SCHIP1: variants seen among roughly 807,000 people sequenced by gnomAD.
SCHIP1 encodes the protein schwannomin-interacting protein 1.
Under a neutral mutation model 29.7 loss-of-function variants are expected in SCHIP1, and 8 were observed. That is an observed-to-expected ratio of 0.27 (90% CI 0.16 to 0.49). The LOEUF is 0.49. Ranked by LOEUF, SCHIP1 falls within the 20% of genes least tolerant of loss-of-function variation. SCHIP1 has a pLI of 0.99. For synonymous variants in SCHIP1, 76 were observed against 94.9 expected (o/e 0.80, Z 1.16); for missense variants, 193 against 294.6 (o/e 0.66, Z 2.52).
chr3:159,565,189 T>C, the SCHIP1 span, among the ~76,000 whole-genome samples: 1 of 152,200 alleles, frequency 6.6e-6, no homozygotes, highest in Non-Finnish European at 1.5e-5. Flanking sequence ...TAGGGAGCCA[T>C]CCACTCCAAA....
At chr3:159,341,409 G>A in the SCHIP1 span, among the ~76,000 whole-genome samples, 2 of 152,116 alleles carry the variant, frequency 1.3e-5, no homozygotes, top group Non-Finnish European at 2.9e-5. Context: ...AGCTTTTCTT[G>A]TCTGGTCCCC....
chr3:159,297,938 C>G, the SCHIP1 span, among the ~76,000 whole-genome samples: 1 of 152,150 alleles, frequency 6.6e-6, no homozygotes, highest in African/African-American at 2.4e-5. Flanking sequence ...CTGTATTTTT[C>G]CTCAGAGTAT....
the SCHIP1 span, among the ~76,000 whole-genome samples, chr3:159,297,284 C>A: frequency 1.3e-5 from 2 of 152,090 alleles, no homozygotes. Context: ...CTCTTTGACA[C>A]ACTGATTTCA....
the SCHIP1 span, among the ~76,000 whole-genome samples, chr3:159,438,136 CAG>C: frequency 6.6e-6 from 1 of 152,120 alleles, no homozygotes; most frequent in African/African-American, 2.4e-5. Flanking sequence ...TATTTAGCTG[CAG>C]AGTCTTTTGT....
the SCHIP1 span, among the ~76,000 whole-genome samples, chr3:159,707,664 C>G: frequency 6.6e-6 from 1 of 152,122 alleles, no homozygotes; most frequent in Non-Finnish European, 1.5e-5. Flanking sequence ...CTGTTATGAA[C>G]GAGATCCCAT....
At chr3:159,664,206 C>A in the SCHIP1 span, among the ~76,000 whole-genome samples, 32 of 152,282 alleles carry the variant, frequency 2.1e-4, 1 homozygote, top group African/African-American at 7.5e-4. Flanking sequence ...GCCCTTTCCC[C>A]AGAGGCAAAG....
the SCHIP1 span, among the ~76,000 whole-genome samples, chr3:159,485,299 C>T: frequency 1.3e-5 from 2 of 152,158 alleles, no homozygotes; most frequent in African/African-American, 4.8e-5. Context: ...TGAATAGTTA[C>T]TTCATCTCTG....
the SCHIP1 span, among the ~76,000 whole-genome samples, chr3:159,342,386 C>T: frequency 1.3e-5 from 2 of 152,072 alleles, no homozygotes; most frequent in African/African-American, 2.4e-5. Flanking sequence ...CAGAATTGCT[C>T]CTGGAAAAAA....
the SCHIP1 span, among the ~76,000 whole-genome samples, chr3:159,688,092 T>G: frequency 7.9e-5 from 12 of 152,230 alleles, no homozygotes. Flanking sequence ...GTAGAATGAT[T>G]TATAATCCTT....
chr3:159,610,887 A>C, the SCHIP1 span, among the ~76,000 whole-genome samples: 1 of 151,982 alleles, frequency 6.6e-6, no homozygotes, highest in Non-Finnish European at 1.5e-5. Context: ...CTTCCATGAC[A>C]GGTGTATTTG....
the SCHIP1 span, among the ~76,000 whole-genome samples, chr3:159,600,532 A>T: frequency 2.6e-5 from 4 of 151,564 alleles, no homozygotes; most frequent in Non-Finnish European, 4.4e-5. Context: ...AGTTCTAAAA[A>T]CTCTGGTTTA....
At chr3:159,539,795 A>G in the SCHIP1 span, among the ~76,000 whole-genome samples, 1 of 103,852 alleles carries the variant, frequency 9.6e-6, no homozygotes, top group Non-Finnish European at 2.4e-5. Flanking sequence ...GCACACTATT[A>G]CAGCACTTAT....
At chr3:159,780,252 A>G in the SCHIP1 span, among the ~76,000 whole-genome samples, 3 of 152,196 alleles carry the variant, frequency 2.0e-5, no homozygotes, top group African/African-American at 7.2e-5. Context: ...TGCCAAACCC[A>G]TGCTATGAAG....
the SCHIP1 span, among the ~76,000 whole-genome samples, chr3:159,496,417 A>G: frequency 2.6e-5 from 4 of 152,316 alleles, no homozygotes; most frequent in Middle Eastern, 3.4e-3. Flanking sequence ...AGAAAAAAAC[A>G]AACAACCCCA....
At chr3:159,565,732 A>G in the SCHIP1 span, among the ~76,000 whole-genome samples, 2 of 152,178 alleles carry the variant, frequency 1.3e-5, no homozygotes, top group Admixed American at 1.3e-4. Context: ...ATTCTCTTAA[A>G]TACATTTTTT....
the SCHIP1 span, among the ~76,000 whole-genome samples, chr3:159,831,275 A>G: frequency 6.6e-6 from 1 of 152,130 alleles, no homozygotes; most frequent in Non-Finnish European, 1.5e-5. Context: ...TAGTCTTTTC[A>G]TCCCTTTCTA....
At chr3:159,580,666 C>T in the SCHIP1 span, among the ~76,000 whole-genome samples, 1 of 152,180 alleles carries the variant, frequency 6.6e-6, no homozygotes, top group African/African-American at 2.4e-5. Context: ...GGTCAAGACA[C>T]AGCCTCAGAA....
At chr3:159,779,529 T>C in the SCHIP1 span, among the ~76,000 whole-genome samples, 2 of 150,134 alleles carry the variant, frequency 1.3e-5, no homozygotes, top group African/African-American at 4.9e-5. Context: ...AAAAGTTAGC[T>C]GGTCATGGTG....
the SCHIP1 span, among the ~76,000 whole-genome samples, chr3:159,497,922 A>G: frequency 6.6e-6 from 1 of 152,176 alleles, no homozygotes; most frequent in African/African-American, 2.4e-5. Flanking sequence ...CTAACAATTC[A>G]TTATGTGCTC....
Sources: allele counts gnomAD v4.1 joint callset (sites outside exome capture counted in the v4.1 genomes callset), GRCh38; gene constraint gnomAD v4.1.1; transcripts MANE v1.5; gene names NCBI Gene and HGNC (gene_info 2026-07-23, HGNC 2026-07-21).